ASTN2: variants seen among roughly 807,000 people sequenced by gnomAD.
The protein encoded by ASTN2 is astrotactin-2.
Under a neutral mutation model 139.8 loss-of-function variants are expected in ASTN2, and 54 were observed. That is an observed-to-expected ratio of 0.39 (90% CI 0.31 to 0.48). ASTN2 has a LOEUF of 0.48. Ranked by LOEUF, ASTN2 falls within the 20% of genes least tolerant of loss-of-function variation. The pLI is 0.95. For missense variants in ASTN2, 1,565 were observed against 1,725.1 expected (o/e 0.91, Z 1.64); for synonymous variants, 756 against 719.5 (o/e 1.05, Z -0.81).
At chr9:116,689,628 C>G (rs1029298575) in intron 16 of ASTN2, among the ~76,000 whole-genome samples, 1 of 152,170 alleles carries the variant, frequency 6.6e-6, no homozygotes, top group African/African-American at 2.4e-5. Context: ...CTAGGGCCTG[C>G]TTAGTCTTAT....
intron 7 of ASTN2, among the ~76,000 whole-genome samples, chr9:117,007,847 C>T (rs1837400925): frequency 6.6e-6 from 1 of 152,060 alleles, no homozygotes; most frequent in Non-Finnish European, 1.5e-5. Flanking sequence ...TTTTGCTTGT[C>T]TGGAGCTAGG....
intron 5 of ASTN2, among the ~76,000 whole-genome samples, chr9:117,044,394 C>T (rs1195094040): frequency 1.3e-5 from 2 of 152,190 alleles, no homozygotes; most frequent in East Asian, 3.9e-4. Context: ...CAGGTCAAGC[C>T]TTCACTAAGC....
intron 13 of ASTN2, among the ~76,000 whole-genome samples, chr9:116,780,925 C>T (rs1043811359): frequency 5.9e-5 from 9 of 151,576 alleles, no homozygotes; most frequent in South Asian, 2.1e-4. Context: ...CTGCAACTTC[C>T]GCCTCCTGGG....
At chr9:117,408,712 T>C (rs961523081) in intron 1 of ASTN2, among the ~76,000 whole-genome samples, 3 of 152,196 alleles carry the variant, frequency 2.0e-5, no homozygotes, top group African/African-American at 7.2e-5. Context: ...TAGGTTGGTA[T>C]CACTGACCCC....
At chr9:116,609,586 G>C (rs1855426635) in intron 19 of ASTN2, among the ~76,000 whole-genome samples, 1 of 151,180 alleles carries the variant, frequency 6.6e-6, no homozygotes, top group South Asian at 2.1e-4. Flanking sequence ...CAAAATATAA[G>C]AAATAGTAAA....
intron 17 of ASTN2, among the ~76,000 whole-genome samples, chr9:116,645,107 A>G (rs1275466905): frequency 2.0e-5 from 3 of 152,218 alleles, no homozygotes; most frequent in Admixed American, 2.0e-4. Context: ...AAGTCAGATC[A>G]CATAGACAGT....
intron 20 of ASTN2, among the ~76,000 whole-genome samples, chr9:116,477,136 A>C (rs73655130): frequency 0.038 from 5,758 of 151,736 alleles, 355 homozygotes; most frequent in African/African-American, 0.13. Context: ...ACGCAGTGTG[A>C]GGAAAGAAAC....
At chr9:117,211,328 A>C (rs1365316293) in intron 3 of ASTN2, among the ~76,000 whole-genome samples, 2 of 152,190 alleles carry the variant, frequency 1.3e-5, no homozygotes, top group African/African-American at 2.4e-5. Context: ...CCCAAATCTC[A>C]TGTTCAATTA....
chr9:116,690,389 A>C (rs1459718936), intron 16 of ASTN2, among the ~76,000 whole-genome samples: 1 of 152,218 alleles, frequency 6.6e-6, no homozygotes, highest in Admixed American at 6.5e-5. Flanking sequence ...GTTCTGTCTT[A>C]CACCTATGTT....
intron 5 of ASTN2, among the ~76,000 whole-genome samples, chr9:117,092,535 T>C (rs1035895049): frequency 1.3e-5 from 2 of 152,194 alleles, no homozygotes; most frequent in Non-Finnish European, 2.9e-5. Flanking sequence ...AAGTTGAATG[T>C]CTTTATCAAA....
rs1847232789 is a variant in ASTN2, at chr9:116,423,296, T to C, written c.*2555A>G. Among the ~76,000 whole-genome samples the C allele has an allele frequency of 1.3e-5, 2 of 152,210 alleles. No homozygotes were observed. The highest frequency in any genetic ancestry group is 2.9e-5 in the Non-Finnish European group (2 of 68,028). On this transcript the variant is annotated 3_prime_UTR_variant, in exon 23 of 23. Transcript: ENST00000313400. ...ATGTTAACTCCCTTATCATTCAAGC[T>C]GGGAAACAACCCCTTGAGGTGGGAC... is the stretch of plus-strand genomic sequence containing the variant.
intron 19 of ASTN2, among the ~76,000 whole-genome samples, chr9:116,563,953 T>A (rs1377779500): frequency 2.6e-5 from 4 of 152,182 alleles, no homozygotes; most frequent in Non-Finnish European, 1.5e-5. Context: ...ATAAAAAGCA[T>A]GGGAGATTTT....
chr9:116,443,283 G>A (rs975522427), intron 20 of ASTN2, among the ~76,000 whole-genome samples: 6 of 152,172 alleles, frequency 3.9e-5, no homozygotes, highest in South Asian at 2.1e-4. Flanking sequence ...AAGTACAAAG[G>A]TCCTGAGGAA....
At chr9:117,299,336 G>A (rs376022526) in intron 1 of ASTN2, among the ~76,000 whole-genome samples, 6 of 152,148 alleles carry the variant, frequency 3.9e-5, no homozygotes, top group African/African-American at 1.4e-4. Context: ...GGCATTGTGG[G>A]ACTCTGTCCT....
At chr9:116,616,780 GACACACACAC>G (rs59771463) in intron 19 of ASTN2, among the ~76,000 whole-genome samples, 1 of 149,582 alleles carries the variant, frequency 6.7e-6, no homozygotes, top group Non-Finnish European at 1.5e-5. Flanking sequence ...GAAGGACAAA[GACACACACAC>G]ACACACACAC....
Position 117,211,198 on chromosome 9 carries a change from A to G in ASTN2, c.1015+3160T>C, listed in dbSNP as rs75713522. ...CCAGAGCAATTAGGCAACAGAAAGA[A>G]ATGACAAACATCCAAATTGGAAAGG... On this transcript the variant is annotated intron_variant, in intron 3 of 22. Coordinates refer to ENST00000313400, the MANE Select transcript of ASTN2 (RefSeq NM_001365068.1). Among the ~76,000 whole-genome samples, 1,211 of 152,344 alleles carry G rather than the reference A, an allele frequency of 7.9e-3. 20 individuals carry two copies. Among genetic ancestry groups the G allele is most frequent in the African/African-American group, 0.028 (1,159 of 41,564 alleles).
intron 22 of ASTN2, among the ~76,000 whole-genome samples, chr9:116,435,074 C>T (rs1039245120): frequency 2.0e-5 from 3 of 152,284 alleles, no homozygotes; most frequent in Non-Finnish European, 2.9e-5. Context: ...AGAAACAAGA[C>T]GTGCAGGGCT....
intron 1 of ASTN2, among the ~76,000 whole-genome samples, chr9:117,291,802 G>C (rs1193250688): frequency 1.3e-5 from 2 of 152,188 alleles, no homozygotes; most frequent in African/African-American, 4.8e-5. Context: ...ATTCTACTCT[G>C]ATAGTGGAAT....
intron 5 of ASTN2, among the ~76,000 whole-genome samples, chr9:117,042,654 T>C (rs1276534669): frequency 6.6e-6 from 1 of 151,870 alleles, no homozygotes; most frequent in Non-Finnish European, 1.5e-5. Context: ...TATAAATAGA[T>C]AAAATATGTA....
Sources: gnomAD v4.1 joint callset for allele counts (sites outside exome capture counted in the v4.1 genomes callset) on GRCh38, gnomAD v4.1.1 for gene constraint, MANE v1.5 for transcripts, NCBI Gene and HGNC (gene_info 2026-07-23, HGNC 2026-07-21) for gene names.